The following SRP54 variants were observed in gnomAD, a reference collection of about 807,000 sequenced individuals.
SRP54 encodes signal recognition particle 54.
Under a neutral mutation model 64.8 loss-of-function variants are expected in SRP54, and 10 were observed. That is an observed-to-expected ratio of 0.15 (90% CI 0.10 to 0.26). The LOEUF is 0.26. SRP54 is among the 10% of genes least tolerant of loss of function. The probability of loss-of-function intolerance (pLI) is 1.00; values close to 1 mark genes in which losing one functional copy is unlikely to be tolerated. For missense variants in SRP54, 325 were observed against 613.7 expected, an observed-to-expected ratio of 0.53 and a Z score of 4.97; for synonymous variants, 193 against 185.6, an observed-to-expected ratio of 1.04 and a Z score of -0.32.
intron 7 of SRP54, 36 bp from the exon 8 acceptor site, chr14:35,011,473 T>C: frequency 7.3e-7 from 1 of 1,378,690 alleles, no homozygotes. Flanking sequence ...TTGGAAGTTT[T>C]GTCGTTTTGT....
intron 7 of SRP54, among the ~76,000 whole-genome samples, chr14:35,009,851 G>T (rs771564977): frequency 2.0e-5 from 3 of 151,976 alleles, no homozygotes; most frequent in Admixed American, 6.6e-5. Context: ...AATATAGCAA[G>T]ACCTCATCTC....
chr14:34,997,138 C>G (rs993738057), intron 2 of SRP54, among the ~76,000 whole-genome samples: 1 of 152,068 alleles, frequency 6.6e-6, no homozygotes, highest in African/African-American at 2.4e-5. Flanking sequence ...CTGCTTCTTT[C>G]TTCTTGGCTA....
intron 11 of SRP54, 100 bp downstream of exon 11, chr14:35,014,930 T>C (rs2044414149): frequency 1.2e-6 from 1 of 804,108 alleles, no homozygotes; most frequent in Non-Finnish European, 2.0e-6. Flanking sequence ...TCTGTTAGAG[T>C]CAGATCTTCC....
chr14:35,019,067 T>A lies in SRP54; in HGVS notation c.1149T>A (p.Asn383Lys). ...KKLMTIMDSM[N>K]DQELDSTDGA... ...TAATGACAATAATGGATAGTATGAA[T>A]GATCAAGGTAAGATGGCAGATTATT... Residue 383 changes from asparagine to lysine, a missense_variant, in exon 13 of 16, where the codon AAT becomes AAA. This residue lies in a region of SRP54 where 146 missense variants were observed against 337.4 expected (regional missense o/e 0.43). Transcript: ENST00000216774. 1 of 1,608,804 alleles carries A rather than the reference T, an allele frequency of 6.2e-7. No homozygotes were observed. The highest frequency in any genetic ancestry group is 8.5e-7 in the Non-Finnish European group (1 of 1,175,540).
intron 1 of SRP54, among the ~76,000 whole-genome samples, chr14:34,987,244 A>ATAT (rs200304562): frequency 0.17 from 17,266 of 102,448 alleles, 1,481 homozygotes; most frequent in Non-Finnish European, 0.23. Context: ...AAAAAAAAAA[A>ATAT]AAATATATAT....
intron 1 of SRP54, among the ~76,000 whole-genome samples, chr14:34,988,434 C>T (rs536170343): frequency 3.3e-5 from 5 of 149,600 alleles, no homozygotes; most frequent in African/African-American, 7.3e-5. Context: ...TGGTGGCATG[C>T]GCCTGTAGTC....
In SRP54 at chr14:35,007,674, T is replaced by TTA. The variant is rs2044284711; in HGVS notation, c.360+288_360+289dup. ...ATATATTTACATAAAATAGATTTTA[T>TTA]TAAAATATATTTACATAAAATAGAT... On this transcript the variant is annotated intron_variant, in intron 5 of 15. Coordinates refer to ENST00000216774, the MANE Select transcript of SRP54 (RefSeq NM_003136.4). 3.6e-5 allele frequency among the ~76,000 whole-genome samples: 3 copies of TTA among 82,772 alleles called. No individual in the cohort carries two copies. The Admixed American group carries it at 3.7e-4, about 10-fold the overall frequency. The allele number at this position is 82,772 out of a possible 152,430, so 54.3% of individuals were successfully genotyped here. A position where few individuals can be genotyped will look rare whatever the true frequency, so the allele number is the denominator to read the frequency against.
At chr14:35,001,367 T>G (rs2044169746) in intron 4 of SRP54, among the ~76,000 whole-genome samples, 1 of 152,100 alleles carries the variant, frequency 6.6e-6, no homozygotes, top group Non-Finnish European at 1.5e-5. Flanking sequence ...GTCAGGCTGG[T>G]CTTGAACTCC....
At chr14:34,985,299 C>T (rs1437566293) in intron 1 of SRP54, among the ~76,000 whole-genome samples, 3 of 152,166 alleles carry the variant, frequency 2.0e-5, no homozygotes, top group African/African-American at 4.8e-5. Flanking sequence ...TACATTAAGT[C>T]CCTTTGACCT....
chr14:35,001,854 T>TA (rs2044178449), intron 4 of SRP54, among the ~76,000 whole-genome samples: 2 of 151,790 alleles, frequency 1.3e-5, no homozygotes. Flanking sequence ...TCTTAGAGCT[T>TA]AAAAAATATA....
intron 1 of SRP54, among the ~76,000 whole-genome samples, chr14:34,986,309 A>T (rs192020553): frequency 7.9e-5 from 12 of 152,316 alleles, no homozygotes; most frequent in Admixed American, 7.9e-4. Context: ...AGGTGGTATG[A>T]TGCATAATTT....
rs1173328822 is a variant in SRP54 at position 35,029,499 on chromosome 14, C to CTGGTCAGTAG, written c.*349_*358dup. ...CCAAGCATTGCATTTGTAAACAGTC[C>CTGGTCAGTAG]TGGTCAGTAGTTAAATAATGTTTCA... On this transcript the variant is annotated 3_prime_UTR_variant, in exon 16 of 16. Transcript: ENST00000216774. 6.6e-5 allele frequency: 12 copies of CTGGTCAGTAG among 180,586 alleles called. No individual in the cohort carries two copies. Among genetic ancestry groups the CTGGTCAGTAG allele is most frequent in the Non-Finnish European group, 1.3e-4 (11 of 86,390 alleles). 11.2% of individuals were successfully genotyped at this position (180,586 alleles called of 1,614,324 possible). A position where few individuals can be genotyped will look rare whatever the true frequency, so the allele number is the denominator to read the frequency against.
intron 10 of SRP54, among the ~76,000 whole-genome samples, chr14:35,014,290 T>TTTTTTTTTG (rs376712278): frequency 3.9e-5 from 5 of 127,282 alleles, no homozygotes; most frequent in East Asian, 2.7e-4. Context: ...TTTTTTTTTT[T>TTTTTTTTTG]TTTTGAGACG....
Position 34,999,765 on chromosome 14 carries a change from A to C in SRP54, c.170+116A>C, listed in dbSNP as rs568763509. 8.7e-5 allele frequency: 61 copies of C among 704,558 alleles called. No homozygotes were observed. The South Asian group carries it at 1.1e-3, about 13-fold the overall frequency. The allele number at this position is 704,558 out of a possible 1,614,324, so 43.6% of individuals were successfully genotyped here. On this transcript the variant is annotated intron_variant, in intron 3 of 15. Transcript: ENST00000216774. ...ATCATTTCTGCTCTGCACCACTGGA[A>C]AAGTGCTGTGTTGGAGCTCATATGT... is the stretch of plus-strand genomic sequence containing the variant.
At chr14:35,027,445 T>C (rs1202324780) in intron 14 of SRP54, among the ~76,000 whole-genome samples, 2 of 152,170 alleles carry the variant, frequency 1.3e-5, no homozygotes, top group African/African-American at 2.4e-5. Flanking sequence ...ATTAAGCCGT[T>C]GTTATAGCTT....
At chr14:35,007,492 AAT>A (rs1009607308) in intron 5 of SRP54, 105 bp downstream of exon 5, 4 of 338,582 alleles carry the variant, frequency 1.2e-5, no homozygotes, top group African/African-American at 6.7e-5. Context: ...ATAATGTTGA[AAT>A]ATATATTTTA....
intron 1 of SRP54, among the ~76,000 whole-genome samples, chr14:34,984,941 ATGCATACGAAAG>A: frequency 6.8e-6 from 1 of 146,282 alleles, no homozygotes; most frequent in Non-Finnish European, 1.5e-5. Flanking sequence ...GACATATGTC[ATGCATACGAAAG>A]TGTATAAAAG....
chr14:35,022,481 C>T (rs532870568), intron 13 of SRP54, among the ~76,000 whole-genome samples: 6 of 152,090 alleles, frequency 3.9e-5, no homozygotes, highest in Non-Finnish European at 4.4e-5. Flanking sequence ...CTCAGCCTCC[C>T]GAGTAGCTGG....
At chr14:34,987,964 C>T (rs542468961) in intron 1 of SRP54, among the ~76,000 whole-genome samples, 10 of 152,198 alleles carry the variant, frequency 6.6e-5, no homozygotes, top group East Asian at 1.9e-4. Context: ...CTTTACTCCC[C>T]GCCAAAACCA....
Sources: gnomAD v4.1 joint callset for allele counts (sites outside exome capture counted in the v4.1 genomes callset) on GRCh38, gnomAD v4.1.1 for gene constraint, gnomAD v4.1.1 regional missense constraint, MANE v1.5 for transcripts, NCBI Gene and HGNC (gene_info 2026-07-23, HGNC 2026-07-21) for gene names.